Variants in ABCA12 observed in about 807,000 individuals in gnomAD.
ABCA12 encodes the protein glucosylceramide transporter ABCA12.
ABCA12 carries 156 observed loss-of-function variants against 293.5 expected under a neutral mutation model. That is an observed-to-expected ratio of 0.53 (90% CI 0.47 to 0.61). ABCA12 has a LOEUF of 0.61. Among genes scored for constraint, ABCA12 ranks in the 20% least tolerant of loss-of-function variants. The probability of loss-of-function intolerance (pLI) is 0.00; values close to 1 mark genes in which losing one functional copy is unlikely to be tolerated. For missense variants in ABCA12, 2,797 were observed against 3,090.2 expected, an observed-to-expected ratio of 0.91 and a Z score of 2.25; for synonymous variants, 1,063 against 1,108.0, an observed-to-expected ratio of 0.96 and a Z score of 0.81.
chr2:215,019,622 G>A lies in ABCA12; in HGVS notation c.1462C>T (p.Leu488=), dbSNP rs574023538. ...TTAGATATGACATTGTCATGGTACA[G>A]TAAGCTGGCTGCTATTTCGGTGCCC... ...ELGTEIAASL[L]YHDNVISKKV... The change falls in exon 12 of 53, where the codon CTG becomes TTG. Residue 488 remains leucine (L), a synonymous_variant. Transcript: ENST00000272895. 4.6e-5 allele frequency: 75 copies of A among 1,614,206 alleles called. 2 individuals carry two copies. The South Asian group carries it at 5.6e-4, about 12-fold the overall frequency.
chr2:215,131,731 T>A (rs1197758460), intron 1 of ABCA12, among the ~76,000 whole-genome samples: 1 of 145,600 alleles, frequency 6.9e-6, no homozygotes, highest in Non-Finnish European at 1.5e-5. Context: ...TTGGCCTGAA[T>A]CTCCTTTATT....
In ABCA12 at chr2:214,934,225, C is replaced by T; in HGVS notation, c.7543-10G>A. 1 of 1,613,384 alleles carries T rather than the reference C, an allele frequency of 6.2e-7. No homozygotes were observed. The highest frequency in any genetic ancestry group is 8.5e-7 in the Non-Finnish European group (1 of 1,179,598). On this transcript the variant is annotated splice_polypyrimidine_tract_variant and intron_variant, in intron 51 of 52. Coordinates refer to ENST00000272895, the MANE Select transcript of ABCA12 (RefSeq NM_173076.3). The stretch of plus-strand genomic sequence containing the variant: ...TGCTGAGGTGCTGATCCTGTGGGAA[C>T]CAAAGGAAAAAAGTTTATTTTGCAA...
At chr2:215,010,505 G>C (rs1328094916) in intron 17 of ABCA12, 35 bp from the exon 18 acceptor site, 5 of 1,607,790 alleles carry the variant, frequency 3.1e-6, no homozygotes, top group Non-Finnish European at 4.3e-6. Flanking sequence ...CCATTTAATA[G>C]ATGTACTTCA....
At chr2:215,114,425 T>C (rs751207569) in intron 1 of ABCA12, among the ~76,000 whole-genome samples, 1 of 152,218 alleles carries the variant, frequency 6.6e-6, no homozygotes, top group Non-Finnish European at 1.5e-5. Context: ...CCTAAGGTCC[T>C]GTAATCTGAT....
chr2:214,984,087 A>T (rs1162741267), intron 28 of ABCA12, among the ~76,000 whole-genome samples: 1 of 128,772 alleles, frequency 7.8e-6, no homozygotes, highest in Non-Finnish European at 1.6e-5. Flanking sequence ...GACAAAAACG[A>T]TCAGGCCTTT....
chr2:215,075,605 G>A (rs1343626739), intron 2 of ABCA12: 2 of 690,306 alleles, frequency 2.9e-6, no homozygotes, highest in Admixed American at 4.2e-5. Flanking sequence ...AGTGTTCCAA[G>A]TAGAAGAATC....
At position 215,096,281 on chromosome 2, in the gene ABCA12, C is replaced by T. The variant is rs1024894739; in HGVS notation, c.163+15316G>A. On this transcript the variant is annotated intron_variant, in intron 2 of 52. Transcript: ENST00000272895. ...AAGTAGGTTCTTTGATTATCCCCAACTGAGGCACAGAAGAATTAACTTCCC... is the reference window on the plus strand; with the variant it reads ...AAGTAGGTTCTTTGATTATCCCCAATTGAGGCACAGAAGAATTAACTTCCC... 1.5e-4 allele frequency among the ~76,000 whole-genome samples: 23 copies of T among 152,294 alleles called. No homozygotes were observed. In the East Asian group the frequency reaches 3.5e-3, roughly 23 times the overall value.
intron 23 of ABCA12, among the ~76,000 whole-genome samples, chr2:214,996,767 G>A (rs1700042698): frequency 6.6e-6 from 1 of 152,210 alleles, no homozygotes; most frequent in Non-Finnish European, 1.5e-5. Flanking sequence ...GCAGCAACTT[G>A]TATCTTATAG....
chr2:215,129,644 G>C (rs553964957), intron 1 of ABCA12, among the ~76,000 whole-genome samples: 1 of 152,258 alleles, frequency 6.6e-6, no homozygotes, highest in Admixed American at 6.5e-5. Context: ...ATTTTCAGAA[G>C]CATAATTGGT....
intron 26 of ABCA12, among the ~76,000 whole-genome samples, chr2:214,988,260 T>C (rs924542897): frequency 3.3e-5 from 5 of 152,230 alleles, no homozygotes; most frequent in African/African-American, 7.2e-5. Context: ...TATAATTTCA[T>C]ATCATTTCTC....
At chr2:215,131,626 T>G (rs1211711723) in intron 1 of ABCA12, among the ~76,000 whole-genome samples, 1 of 151,570 alleles carries the variant, frequency 6.6e-6, no homozygotes, top group Non-Finnish European at 1.5e-5. Context: ...TCTTTTTTCC[T>G]TAGTCTAGCT....
At chr2:214,965,507 A>C (rs941582894) in intron 39 of ABCA12, among the ~76,000 whole-genome samples, 42 of 152,154 alleles carry the variant, frequency 2.8e-4, no homozygotes, top group African/African-American at 9.2e-4. Flanking sequence ...TAATATCCAG[A>C]GTCTTTAAAG....
Position 214,966,853 on chromosome 2 carries a change from C to A in ABCA12, c.5879G>T (p.Arg1960Leu), listed in dbSNP as rs1232138603. Residue 1960 changes from arginine to leucine, a missense_variant, in exon 39 of 53, where the codon CGA (arginine) becomes CTA (leucine). By Grantham distance (102) the Arg-to-Leu change is moderately radical (BLOSUM62 -2). Around this residue, in one of 3 missense-constraint regions of ABCA12, gnomAD observed 2,130 missense variants for 2,427.0 expected, o/e 0.88. Coordinates refer to ENST00000272895, the MANE Select transcript of ABCA12 (RefSeq NM_173076.3). ...TTTTGTGTTAGTAACTTTACCATGTCGGGCAGCATCGTATTTTGACATGTT... is the reference window on the plus strand; with the variant it reads ...TTTTGTGTTAGTAACTTTACCATGTAGGGCAGCATCGTATTTTGACATGTT... ...RVNMSKYDAA[R>L]HGIIMYSHPY... The A allele has an allele frequency of 2.2e-5, 36 of 1,613,444 alleles. No homozygotes were observed. The highest frequency in any genetic ancestry group is 3.0e-5 in the Non-Finnish European group (35 of 1,179,670).
At chr2:215,023,138 T>C (rs554124074) in intron 11 of ABCA12, 1 of 152,296 alleles carries the variant, frequency 6.6e-6, no homozygotes, top group Admixed American at 6.5e-5. Flanking sequence ...ACAAGCATGA[T>C]ACTAATTATC....
intron 19 of ABCA12, among the ~76,000 whole-genome samples, chr2:215,006,188 T>C (rs2105995276): frequency 6.6e-6 from 1 of 152,344 alleles, no homozygotes; most frequent in Non-Finnish European, 1.5e-5. Flanking sequence ...TCCTGTTAAT[T>C]CACCACTTTA....
In ABCA12 at chr2:214,970,322, G is replaced by T. The variant is rs775127288; in HGVS notation, c.5641C>A (p.Arg1881=). The change falls in exon 37 of 53, where the codon CGA becomes AGA. Residue 1881 remains arginine, a synonymous_variant. Transcript: ENST00000272895. The part of the protein sequence containing the change: ...SQVIYNLTGQ[R]VENYLISTAN... ...GTTGATATAAGATAATTTTCCACTC[G>T]TTGCCCAGTGAGGTTATAAATTACC... 3 of 1,613,012 alleles carry T rather than the reference G, an allele frequency of 1.9e-6. No individual in the cohort carries two copies. The Admixed American group carries it at 5.0e-5, about 27-fold the overall frequency.
At chr2:215,001,492 A>C in intron 21 of ABCA12, 66 bp downstream of exon 21, 3 of 1,600,086 alleles carry the variant, frequency 1.9e-6, no homozygotes, top group Non-Finnish European at 2.6e-6. Flanking sequence ...GATGAAAGAC[A>C]TGAGGAAAGA....
chr2:215,134,836 A>T (rs1703175769), intron 1 of ABCA12, among the ~76,000 whole-genome samples: 1 of 151,302 alleles, frequency 6.6e-6, no homozygotes, highest in South Asian at 2.1e-4. Flanking sequence ...TTAAATAGAA[A>T]CAGGGTTTAC....
chr2:214,984,617 G>A (rs1699745619), intron 28 of ABCA12, among the ~76,000 whole-genome samples: 1 of 151,964 alleles, frequency 6.6e-6, no homozygotes, highest in Admixed American at 6.6e-5. Context: ...TTAAAACCGA[G>A]CTCATGATCT....
Sources: gnomAD v4.1 joint callset for allele counts (sites outside exome capture counted in the v4.1 genomes callset) on GRCh38, gnomAD v4.1.1 for gene constraint, gnomAD v4.1.1 regional missense constraint, MANE v1.5 for transcripts, NCBI Gene and HGNC (gene_info 2026-07-23, HGNC 2026-07-21) for gene names.